The following PCK1 variants were observed in gnomAD, a reference collection of about 807,000 sequenced individuals.
PCK1 encodes phosphoenolpyruvate carboxykinase, cytosolic [GTP].
In PCK1, 44 loss-of-function variants were observed where a neutral mutation model predicts 50.3. The observed-to-expected ratio is 0.87, with a 90% CI of 0.69 to 1.12. PCK1 has a LOEUF of 1.12. Ranked by LOEUF, PCK1 falls within the 50% of genes most tolerant of loss-of-function variation. The pLI is 0.00. For missense variants in PCK1, 790 were observed against 815.0 expected, an observed-to-expected ratio of 0.97 and a Z score of 0.37; for synonymous variants, 332 against 314.3, an observed-to-expected ratio of 1.06 and a Z score of -0.59.
Position 57,565,622 on chromosome 20 carries a change from G to T in PCK1, c.1687G>T (p.Ala563Ser), listed in dbSNP as rs1221541161. The T allele has an allele frequency of 1.9e-6, 3 of 1,614,194 alleles. No homozygotes were observed. Among genetic ancestry groups the T allele is most frequent in the Non-Finnish European group, 2.5e-6 (3 of 1,180,032 alleles). Reference sequence around the variant, plus strand: ...CATAGGCTACATCCCCAAGGAGGATGCCCTGAACCTGAAAGGCCTGGGGCA... The same window carrying T: ...CATAGGCTACATCCCCAAGGAGGATTCCCTGAACCTGAAAGGCCTGGGGCA... ...TPIGYIPKEDALNLKGLGHIN... is the reference protein window; with the variant it reads ...TPIGYIPKEDSLNLKGLGHIN... The change falls in exon 10 of 10, where the codon GCC becomes TCC. Residue 563 changes from alanine (A) to serine (S), a missense_variant. Transcript: ENST00000319441.
intron 9 of PCK1, 107 bp downstream of exon 9, chr20:57,565,242 G>C: frequency 7.9e-7 from 1 of 1,272,924 alleles, no homozygotes; most frequent in Non-Finnish European, 1.1e-6. Flanking sequence ...GAGAGAGAGA[G>C]AGAGAAAGAG....
In PCK1 at chr20:57,563,077, C is replaced by T. The variant is rs1440758359; in HGVS notation, c.660C>T (p.Ala220=). The T allele has an allele frequency of 1.9e-6, 3 of 1,613,980 alleles. 1 individual carries two copies. Among genetic ancestry groups the T allele is most frequent in the African/African-American group, 2.7e-5 (2 of 74,946 alleles). ...WPCNPELTLI[A]HLPDRREIIS... Reference sequence around the variant, plus strand: ...GCAACCCGGAGCTGACGCTCATCGCCCACCTGCCTGACCGCAGAGAGATCA... The same window carrying T: ...GCAACCCGGAGCTGACGCTCATCGCTCACCTGCCTGACCGCAGAGAGATCA... Residue 220 remains alanine, a synonymous_variant, in exon 5 of 10, where the codon GCC becomes GCT. Coordinates refer to ENST00000319441, the MANE Select transcript of PCK1 (RefSeq NM_002591.4).
At position 57,566,009 on chromosome 20, in the gene PCK1, A is replaced by G; in HGVS notation, c.*205A>G. The G allele has an allele frequency of 2.0e-6, 1 of 490,920 alleles. No individual in the cohort carries two copies. Among genetic ancestry groups the G allele is most frequent in the African/African-American group, 1.9e-5 (1 of 51,818 alleles). 30.4% of individuals were successfully genotyped at this position (490,920 alleles called of 1,614,324 possible). ...TAGTAGCTAATGAAATTGAGAAGGG[A>G]AATCTTAGCATGCCTCCAAAAATTC... On this transcript the variant is annotated 3_prime_UTR_variant, in exon 10 of 10. Coordinates refer to ENST00000319441, the MANE Select transcript of PCK1 (RefSeq NM_002591.4).
Position 57,561,510 on chromosome 20 carries a change from T to G in PCK1, c.99T>G (p.Asn33Lys). 1 of 1,613,826 alleles carries G rather than the reference T, an allele frequency of 6.2e-7. No individual in the cohort carries two copies. Among genetic ancestry groups the G allele is most frequent in the East Asian group, 2.2e-5 (1 of 44,864 alleles). The change falls in exon 2 of 10, where the codon AAT becomes AAG. Residue 33 changes from asparagine (N) to lysine (K), a missense_variant. Asn to Lys is a moderately conservative substitution (Grantham distance 94, BLOSUM62 0). Coordinates refer to ENST00000319441, the MANE Select transcript of PCK1 (RefSeq NM_002591.4). ...LPQAVREFLENNAELCQPDHI... is the reference protein window; with the variant it reads ...LPQAVREFLEKNAELCQPDHI... ...AGGCAGTGAGGGAGTTTCTCGAGAA[T>G]AACGCTGAGCTGTGTCAGCCTGATC...
intron 5 of PCK1, 48 bp from the exon 6 acceptor site, chr20:57,563,517 C>G (rs750388522): frequency 1.4e-6 from 2 of 1,398,636 alleles, no homozygotes; most frequent in African/African-American, 1.4e-5. Flanking sequence ...GTACCAACCT[C>G]GGGGAGAAGG....
chr20:57,564,060 GA>G, intron 6 of PCK1, 108 bp from the exon 7 acceptor site: 1 of 728,188 alleles, frequency 1.4e-6, no homozygotes, highest in Non-Finnish European at 2.3e-6. Flanking sequence ...TCTAGGGAGG[GA>G]AAAAAGATTT....
chr20:57,562,007 G>A, intron 2 of PCK1, 64 bp from the exon 3 acceptor site: 2 of 1,398,900 alleles, frequency 1.4e-6, no homozygotes, highest in Non-Finnish European at 2.0e-6. Context: ...GAAAGCCACG[G>A]TACTGAAGGA....
chr20:57,565,374 T>G lies in PCK1; in HGVS notation c.1439T>G (p.Phe480Cys). The G allele has an allele frequency of 6.2e-7, 1 of 1,614,152 alleles. No individual in the cohort carries two copies. Among genetic ancestry groups the G allele is most frequent in the Non-Finnish European group, 8.5e-7 (1 of 1,179,944 alleles). The change falls in exon 10 of 10, where the codon TTT becomes TGT. Residue 480 changes from phenylalanine (F) to cysteine (C), a missense_variant. Phe to Cys is a radical substitution (Grantham distance 205). Coordinates refer to ENST00000319441, the MANE Select transcript of PCK1 (RefSeq NM_002591.4). ...GGCAAAATCATCATGCATGACCCCT[T>G]TGCCATGCGGCCCTTCTTTGGCTAC... ...HKGKIIMHDP[F>C]AMRPFFGYNF...
chr20:57,563,317 G>T (rs959677317), intron 5 of PCK1, 102 bp downstream of exon 5: 4 of 1,131,624 alleles, frequency 3.5e-6, no homozygotes, highest in Non-Finnish European at 5.1e-6. Context: ...CTCTGAGCGT[G>T]CAGGTTCCCG....
chr20:57,562,315 C>T, intron 3 of PCK1, 63 bp downstream of exon 3: 1 of 1,370,964 alleles, frequency 7.3e-7, no homozygotes. Context: ...TTACATCTAT[C>T]CTAATGGTAA....
Position 57,564,413 on chromosome 20 carries a change from C to G in PCK1, c.1186+20C>G, listed in dbSNP as rs2070183139. The G allele has an allele frequency of 1.2e-6, 2 of 1,613,780 alleles. No homozygotes were observed. The highest frequency in any genetic ancestry group is 1.7e-6 in the Non-Finnish European group (2 of 1,179,792). Reference sequence around the variant, plus strand: ...AGGATGGTGTGTCCCTGCCAGAGGCCTTGGTGTGCCGGGCTGCAGGGACTG... The same window carrying G: ...AGGATGGTGTGTCCCTGCCAGAGGCGTTGGTGTGCCGGGCTGCAGGGACTG... On this transcript the variant is annotated intron_variant, in intron 7 of 9. Coordinates refer to ENST00000319441, the MANE Select transcript of PCK1 (RefSeq NM_002591.4).
At position 57,567,987 on chromosome 20, in the gene PCK1, TC is replaced by T. The variant is rs1027844410; in HGVS notation, c.*2184del. On this transcript the variant is annotated 3_prime_UTR_variant, in exon 10 of 10. Coordinates refer to ENST00000319441, the MANE Select transcript of PCK1 (RefSeq NM_002591.4). ...AGAGTTTTCAGGAGACCAAAAAGATTCAATATATGTCATTAACTCCTGACTC... is the reference window on the plus strand; with the variant it reads ...AGAGTTTTCAGGAGACCAAAAAGATTAATATATGTCATTAACTCCTGACTC... The T allele has an allele frequency of 3.9e-5, 6 of 152,138 alleles. No individual in the cohort carries two copies. The highest frequency in any genetic ancestry group is 1.4e-4 in the African/African-American group (6 of 41,416). The allele number at this position is 152,138 out of a possible 1,614,324, so 9.4% of individuals were successfully genotyped here. A position where few individuals can be genotyped will look rare whatever the true frequency, so the allele number is the denominator to read the frequency against.
In PCK1 at chr20:57,562,099, G is replaced by A; in HGVS notation, c.253G>A (p.Val85Met). ...GTTGGCTCTCACTGACCCCAGGGAT[G>A]TGGCCAGGATCGAAAGCAAGACGGT... ...CWLALTDPRD[V>M]ARIESKTVIV... is the part of the protein sequence containing the mutation. The change falls in exon 3 of 10, where the codon GTG becomes ATG. Residue 85 changes from valine (V) to methionine (M), a missense_variant. By Grantham distance (21) the Val-to-Met change is conservative (BLOSUM62 1). Coordinates refer to ENST00000319441, the MANE Select transcript of PCK1 (RefSeq NM_002591.4). 1 of 1,614,218 alleles carries A rather than the reference G, an allele frequency of 6.2e-7. No homozygotes were observed. The highest frequency in any genetic ancestry group is 8.5e-7 in the Non-Finnish European group (1 of 1,180,040).
rs1600708660 is a variant in PCK1 at position 57,565,528 on chromosome 20, A to G, written c.1593A>G (p.Gly531=). ...KEGKFLWPGF[G]ENSRVLEWMF... Reference sequence around the variant, plus strand: ...GCAAATTCCTCTGGCCAGGCTTTGGAGAGAACTCCAGGGTGCTGGAGTGGA... The same window carrying G: ...GCAAATTCCTCTGGCCAGGCTTTGGGGAGAACTCCAGGGTGCTGGAGTGGA... Residue 531 remains glycine, a synonymous_variant, in exon 10 of 10, where the codon GGA becomes GGG. Coordinates refer to ENST00000319441, the MANE Select transcript of PCK1 (RefSeq NM_002591.4). 1 of 1,614,068 alleles carries G rather than the reference A, an allele frequency of 6.2e-7. No homozygotes were observed. The highest frequency in any genetic ancestry group is 1.1e-5 in the South Asian group (1 of 91,086).
At position 57,563,648 on chromosome 20, in the gene PCK1, C is replaced by T; in HGVS notation, c.882C>T (p.Ala294=). The T allele has an allele frequency of 6.2e-7, 1 of 1,613,414 alleles. No homozygotes were observed. Among genetic ancestry groups the T allele is most frequent in the Non-Finnish European group, 8.5e-7 (1 of 1,179,416 alleles). The change falls in exon 6 of 10, where the codon GCC becomes GCT. Residue 294 remains alanine, a synonymous_variant. Transcript: ENST00000319441. ...GCGCCTGCGGGAAGACCAACCTGGC[C>T]ATGATGAACCCCAGCCTCCCCGGGT... ...FPSACGKTNL[A]MMNPSLPGWK...
intron 2 of PCK1, 37 bp downstream of exon 2, chr20:57,561,672 C>A (rs184577872): frequency 2.1e-6 from 3 of 1,413,512 alleles, no homozygotes; most frequent in East Asian, 2.3e-5. Context: ...CAGCACCCTG[C>A]AGGCAGGGCT....
Position 57,561,397 on chromosome 20 carries a change from C to G in PCK1, c.-15C>G, listed in dbSNP as rs1403849402. On this transcript the variant is annotated 5_prime_UTR_variant, in exon 2 of 10. Coordinates refer to ENST00000319441, the MANE Select transcript of PCK1 (RefSeq NM_002591.4). ...GTGACCTCACATTCGTGCCCCTTAG[C>G]AGCACTCTGCAGAAATGCCTCCTCA... 1 of 1,583,072 alleles carries G rather than the reference C, an allele frequency of 6.3e-7. No homozygotes were observed. The highest frequency in any genetic ancestry group is 1.3e-5 in the African/African-American group (1 of 74,292).
Position 57,562,879 on chromosome 20 carries a change from G to A in PCK1, c.590G>A (p.Gly197Glu). ...GEFVKCLHSV[G>E]CPLPLQKPLV... ...TTTGTCAAATGCCTCCATTCTGTGG[G>A]GTGCCCTCTGCCTTTACAAAGTAAG... Residue 197 changes from glycine to glutamate, a missense_variant, in exon 4 of 10, where the codon GGG (glycine) becomes GAG (glutamate). Coordinates refer to ENST00000319441, the MANE Select transcript of PCK1 (RefSeq NM_002591.4). 6.2e-7 allele frequency: 1 copy of A among 1,611,472 alleles called. No homozygotes were observed. Among genetic ancestry groups the A allele is most frequent in the Non-Finnish European group, 8.5e-7 (1 of 1,177,578 alleles).
At position 57,562,699 on chromosome 20, in the gene PCK1, G is replaced by T; in HGVS notation, c.410G>T (p.Arg137Leu). ...NARFPGCMKG[R>L]TMYVIPFSMG... is the part of the protein sequence containing the mutation. ...GCCCACCCATCGCACCCTGTAGGTC[G>T]CACCATGTACGTCATCCCATTCAGC... The change falls in exon 4 of 10, where the codon CGC (arginine) becomes CTC (leucine). Residue 137 changes from arginine (R) to leucine (L), a missense_variant. Coordinates refer to ENST00000319441, the MANE Select transcript of PCK1 (RefSeq NM_002591.4). 6.2e-7 allele frequency: 1 copy of T among 1,613,194 alleles called. No individual in the cohort carries two copies. Among genetic ancestry groups the T allele is most frequent in the Non-Finnish European group, 8.5e-7 (1 of 1,179,460 alleles).
Sources: allele counts gnomAD v4.1 joint callset, GRCh38; gene constraint gnomAD v4.1.1; transcripts MANE v1.5; gene names NCBI Gene and HGNC (gene_info 2026-07-23, HGNC 2026-07-21).